Variants in HOXC4 observed in about 807,000 individuals in gnomAD.
The protein encoded by HOXC4 is homeobox C4.
Under a neutral mutation model 25.5 loss-of-function variants are expected in HOXC4, and 15 were observed. The ratio of observed to expected loss-of-function variants is 0.59; its 90% confidence interval spans 0.39 to 0.91. The LOEUF is 0.91. Among genes scored for constraint, HOXC4 ranks in the 40% least tolerant of loss-of-function variants. The probability of loss-of-function intolerance (pLI) is 0.00; values close to 1 mark genes in which losing one functional copy is unlikely to be tolerated. For synonymous variants in HOXC4, 165 were observed against 148.0 expected (o/e 1.11, Z -0.83); for missense variants, 342 against 352.4 (o/e 0.97, Z 0.24).
chr12:54,046,834 TC>T (rs1483601576), intron 1 of HOXC4, among the ~76,000 whole-genome samples: 1 of 152,102 alleles, frequency 6.6e-6, no homozygotes, highest in Non-Finnish European at 1.5e-5. Context: ...TCACCTTCAA[TC>T]CCTTGGGTGG....
chr12:54,037,093 C>T (rs1347455197), intron 1 of HOXC4, among the ~76,000 whole-genome samples: 1 of 152,236 alleles, frequency 6.6e-6, no homozygotes, highest in African/African-American at 2.4e-5. Context: ...CCTGCCTGCC[C>T]TCCTCCTTCC....
chr12:54,024,276 C>T (rs1940585074), intron 1 of HOXC4, among the ~76,000 whole-genome samples: 1 of 152,172 alleles, frequency 6.6e-6, no homozygotes. Flanking sequence ...GCGGTCGCGT[C>T]CAGGCAGCTG....
chr12:54,018,164 G>C (rs1280380134), intron 1 of HOXC4, among the ~76,000 whole-genome samples: 1 of 152,200 alleles, frequency 6.6e-6, no homozygotes, highest in Non-Finnish European at 1.5e-5. Context: ...GTTGTAGGGT[G>C]GGGGTGGGGG....
Position 54,055,016 on chromosome 12 carries a change from C to A in HOXC4, c.606C>A (p.Ile202=). 6.2e-7 allele frequency: 1 copy of A among 1,614,096 alleles called. No homozygotes were observed. Among genetic ancestry groups the A allele is most frequent in the Non-Finnish European group, 8.5e-7 (1 of 1,180,012 alleles). ...SLCLSERQIK[I]WFQNRRMKWK... ...GCCTCTCTGAGAGGCAGATCAAAAT[C>A]TGGTTCCAAAACCGTCGCATGAAAT... Residue 202 remains isoleucine, a synonymous_variant, in exon 2 of 2, where the codon ATC becomes ATA. Coordinates refer to ENST00000430889, the MANE Select transcript of HOXC4 (RefSeq NM_153633.3).
At chr12:54,017,343 G>A (rs1307550507) in exon 1 of HOXC4, 1 of 152,228 alleles carries the variant, frequency 6.6e-6, no homozygotes, top group Non-Finnish European at 1.5e-5. Context: ...GGCACAGAAT[G>A]AGGGAAGACG....
At chr12:54,016,961 T>A (rs1592216959) in exon 1 of HOXC4, 1 of 152,114 alleles carries the variant, frequency 6.6e-6, no homozygotes. Context: ...TCATTAGCAG[T>A]ATTTTTTTTA....
chr12:54,055,265 G>C lies in HOXC4; in HGVS notation c.*60G>C, dbSNP rs1937950575. 1.3e-5 allele frequency: 7 copies of C among 533,044 alleles called. No individual in the cohort carries two copies. The highest frequency in any genetic ancestry group is 3.1e-5 in the South Asian group (1 of 31,904). 33.0% of individuals were successfully genotyped at this position (533,044 alleles called of 1,614,324 possible). ...CCCACCCTCCCCTCACACACAAATTGACTCTTATTTATAGAATTTAATATA... is the reference window on the plus strand; with the variant it reads ...CCCACCCTCCCCTCACACACAAATTCACTCTTATTTATAGAATTTAATATA... On this transcript the variant is annotated 3_prime_UTR_variant, in exon 2 of 2. Transcript: ENST00000430889.
At chr12:54,018,010 G>C (rs900094291) in intron 1 of HOXC4, among the ~76,000 whole-genome samples, 18 of 152,332 alleles carry the variant, frequency 1.2e-4, no homozygotes, top group Admixed American at 6.5e-4. Flanking sequence ...GGCGGCCGGC[G>C]GGGCCTGTTA....
intron 1 of HOXC4, chr12:54,029,624 C>T (rs888090983): frequency 1.9e-6 from 3 of 1,600,982 alleles, no homozygotes; most frequent in Middle Eastern, 3.3e-4. Flanking sequence ...TTGCTGATTG[C>T]TTTTAGTGTG....
intron 1 of HOXC4, among the ~76,000 whole-genome samples, chr12:54,046,918 G>C (rs1483057254): frequency 6.6e-6 from 1 of 152,216 alleles, no homozygotes; most frequent in Non-Finnish European, 1.5e-5. Flanking sequence ...GCCCGCTGGG[G>C]CTGCCAGGGC....
At chr12:54,032,549 T>C (rs1941024878) in intron 1 of HOXC4, among the ~76,000 whole-genome samples, 1 of 152,056 alleles carries the variant, frequency 6.6e-6, no homozygotes, top group African/African-American at 2.4e-5. Flanking sequence ...ACCCTGGAGG[T>C]TGGGAGAACG....
intron 1 of HOXC4, among the ~76,000 whole-genome samples, chr12:54,027,361 G>A (rs1432695779): frequency 6.6e-6 from 1 of 152,162 alleles, no homozygotes; most frequent in East Asian, 1.9e-4. Flanking sequence ...TCTGGAGGGG[G>A]CAGGGGGGCT....
intron 1 of HOXC4, among the ~76,000 whole-genome samples, chr12:54,046,640 T>G (rs540867383): frequency 2.0e-5 from 3 of 152,152 alleles, no homozygotes; most frequent in African/African-American, 4.8e-5. Flanking sequence ...CAATGTTTAT[T>G]TGTTGTAAAT....
At position 54,055,196 on chromosome 12, in the gene HOXC4, C is replaced by A; in HGVS notation, c.786C>A (p.Thr262=). Residue 262 remains threonine (T), a synonymous_variant, in exon 2 of 2, where the codon ACC becomes ACA. Coordinates refer to ENST00000430889, the MANE Select transcript of HOXC4 (RefSeq NM_153633.3). ...AGCAGCAACGGGCAGAGGACATTAC[C>A]AGGTTATAAAACATAACTCACACCC... ...PPEQQRAEDI[T]RL 6.3e-7 allele frequency: 1 copy of A among 1,592,690 alleles called. No individual in the cohort carries two copies. Among genetic ancestry groups the A allele is most frequent in the South Asian group, 1.1e-5 (1 of 88,420 alleles).
chr12:54,028,570 G>T, intron 1 of HOXC4: 1 of 1,614,066 alleles, frequency 6.2e-7, no homozygotes, highest in Non-Finnish European at 8.5e-7. Flanking sequence ...CCTCGCCGGG[G>T]GCCAGGACGT....
intron 1 of HOXC4, chr12:54,028,564 G>A: frequency 6.2e-7 from 1 of 1,614,064 alleles, no homozygotes; most frequent in South Asian, 1.1e-5. Flanking sequence ...CTGCCACCTC[G>A]CCGGGGGCCA....
chr12:54,025,428 C>G (rs979734393), intron 1 of HOXC4, among the ~76,000 whole-genome samples: 3 of 151,676 alleles, frequency 2.0e-5, no homozygotes, highest in Admixed American at 2.0e-4. Context: ...GACCTGCTCT[C>G]CCCCCTTGGA....
chr12:54,044,567 T>G (rs1937652236), intron 1 of HOXC4, among the ~76,000 whole-genome samples: 1 of 152,140 alleles, frequency 6.6e-6, no homozygotes, highest in Admixed American at 6.5e-5. Context: ...GAACTTCAGA[T>G]GTATAAGACA....
chr12:54,050,302 C>A (rs1351736050), upstream of HOXC4, among the ~76,000 whole-genome samples: 1 of 152,128 alleles, frequency 6.6e-6, no homozygotes, highest in African/African-American at 2.4e-5. Context: ...AAACGTGTTT[C>A]CGAAAGAGAA....
Sources: gnomAD v4.1 joint callset for allele counts (sites outside exome capture counted in the v4.1 genomes callset) on GRCh38, gnomAD v4.1.1 for gene constraint, MANE v1.5 for transcripts, NCBI Gene and HGNC (gene_info 2026-07-23, HGNC 2026-07-21) for gene names.